TNNC1: variants seen among roughly 807,000 people sequenced by gnomAD.
The protein encoded by TNNC1 is troponin C, slow skeletal and cardiac muscles.
TNNC1 carries 10 observed loss-of-function variants against 19.6 expected under a neutral mutation model. That is an observed-to-expected ratio of 0.51 (90% CI 0.31 to 0.87). The LOEUF (loss-of-function observed/expected upper bound fraction) is 0.87, where lower values mean the gene tolerates loss of function less well. Among genes scored for constraint, TNNC1 ranks in the 40% least tolerant of loss-of-function variants. The pLI is 0.04. For synonymous variants in TNNC1, 85 were observed against 80.1 expected, an observed-to-expected ratio of 1.06 and a Z score of -0.33; for missense variants, 115 against 219.8, an observed-to-expected ratio of 0.52 and a Z score of 3.02.
rs1024621078 is a variant in TNNC1, at chr3:52,453,876, C to T, written c.24+116G>A. 2.9e-5 allele frequency: 37 copies of T among 1,272,546 alleles called. No individual in the cohort carries two copies. The African/African-American group carries it at 4.6e-4, about 16-fold the overall frequency. The allele number at this position is 1,272,546 out of a possible 1,614,324, so 78.8% of individuals were successfully genotyped here. On this transcript the variant is annotated intron_variant, in intron 1 of 5. Coordinates refer to ENST00000232975, the MANE Select transcript of TNNC1 (RefSeq NM_003280.3). ...CCTGTGAGGGCCTGGGTTGAAGGCA[C>T]GTAGGCCTTCTCCTTGGTCCCCACC...
chr3:52,453,897 C>A, intron 1 of TNNC1, 95 bp downstream of exon 1: 1 of 1,470,874 alleles, frequency 6.8e-7, no homozygotes, highest in Non-Finnish European at 9.3e-7. Flanking sequence ...TCCTTGGTCC[C>A]CACCACTTCC....
In TNNC1 at chr3:52,452,483, C is replaced by A; in HGVS notation, c.55G>T (p.Glu19Ter). ...VEQLTEEQKN[E>*]FKAAFDIFVL... Reference sequence around the variant, plus strand: ...CCACATGTGTGATAGGGATTCTCACCATTTTTCTGCTCTTCTGTCAGCTGC... The same window carrying A: ...CCACATGTGTGATAGGGATTCTCACAATTTTTCTGCTCTTCTGTCAGCTGC... The change falls in exon 2 of 6, where the codon GAG (glutamate) becomes TAG (stop). Residue 19 changes from glutamate to a stop codon, truncating the protein, a stop_gained and splice_region_variant. Coordinates refer to ENST00000232975, the MANE Select transcript of TNNC1 (RefSeq NM_003280.3). LOFTEE classifies it high-confidence loss of function. The surrounding 1 kb of genome is among the most constrained non-coding windows in gnomAD (Gnocchi z 5.2). 1 of 1,613,434 alleles carries A rather than the reference C, an allele frequency of 6.2e-7. No homozygotes were observed.
At position 52,451,662 on chromosome 3, in the gene TNNC1, A is replaced by G; in HGVS notation, c.317+82T>C. On this transcript the variant is annotated intron_variant, in intron 4 of 5. Coordinates refer to ENST00000232975, the MANE Select transcript of TNNC1 (RefSeq NM_003280.3). This position sits in a 1 kb window ranked among gnomAD's most constrained non-coding sequence, Gnocchi z 4.8. ...ATCAGGCAGAGGCCACAGGGTCCCT[A>G]GGCCTGGAATCTGAGACTGCCCTCC... 1 of 1,568,172 alleles carries G rather than the reference A, an allele frequency of 6.4e-7. No individual in the cohort carries two copies. The highest frequency in any genetic ancestry group is 8.8e-7 in the Non-Finnish European group (1 of 1,138,528).
At position 52,452,404 on chromosome 3, in the gene TNNC1, C is replaced by A; in HGVS notation, c.55+79G>T. ...AGGGACCAAGCCTCTGGTCTCTGGC[C>A]TGGGGTCCTCTTCTGATAAGGGGTC... On this transcript the variant is annotated intron_variant, in intron 2 of 5. Transcript: ENST00000232975. This position sits in a 1 kb window ranked among gnomAD's most constrained non-coding sequence, Gnocchi z 5.2. 1 of 1,582,600 alleles carries A rather than the reference C, an allele frequency of 6.3e-7. No homozygotes were observed. The highest frequency in any genetic ancestry group is 8.6e-7 in the Non-Finnish European group (1 of 1,158,348).
Position 52,451,394 on chromosome 3 carries a change from C to T in TNNC1, c.451G>A (p.Asp151Asn). ...DKNNDGRIDY[D>N]EFLEFMKGVE is the part of the protein sequence containing the mutation. ...ATCAGCCCACCCACCCGCTTACCATCATAGTCGATGCGGCCGTCGTTGTTC... is the reference window on the plus strand; with the variant it reads ...ATCAGCCCACCCACCCGCTTACCATTATAGTCGATGCGGCCGTCGTTGTTC... The change falls in exon 5 of 6, where the codon GAT (aspartate) becomes AAT (asparagine). Residue 151 changes from aspartate to asparagine, a missense_variant. Transcript: ENST00000232975. The surrounding 1 kb of genome is among the most constrained non-coding windows in gnomAD (Gnocchi z 4.8). The T allele has an allele frequency of 6.2e-7, 1 of 1,614,176 alleles. No homozygotes were observed. The highest frequency in any genetic ancestry group is 8.5e-7 in the Non-Finnish European group (1 of 1,180,022).
chr3:52,452,380 G>C lies in TNNC1; in HGVS notation c.55+103C>G. On this transcript the variant is annotated intron_variant, in intron 2 of 5. Transcript: ENST00000232975. The surrounding 1 kb of genome is among the most constrained non-coding windows in gnomAD (Gnocchi z 5.2). ...AGACCTCTCTGAGGGCAGAGCAAGA[G>C]GGACCAAGCCTCTGGTCTCTGGCCT... The C allele has an allele frequency of 6.3e-7, 1 of 1,587,838 alleles. No homozygotes were observed. The highest frequency in any genetic ancestry group is 8.6e-7 in the Non-Finnish European group (1 of 1,165,782).
At position 52,451,392 on chromosome 3, in the gene TNNC1, A is replaced by G; in HGVS notation, c.453T>C (p.Asp151=). The G allele has an allele frequency of 6.2e-7, 1 of 1,614,140 alleles. No individual in the cohort carries two copies. The highest frequency in any genetic ancestry group is 8.5e-7 in the Non-Finnish European group (1 of 1,180,006). ...DKNNDGRIDY[D]EFLEFMKGVE is the part of the protein sequence containing the mutation. ...AGATCAGCCCACCCACCCGCTTACC[A>G]TCATAGTCGATGCGGCCGTCGTTGT... The change falls in exon 5 of 6, where the codon GAT becomes GAC. Residue 151 remains aspartate, a splice_region_variant and synonymous_variant. Transcript: ENST00000232975. This position sits in a 1 kb window ranked among gnomAD's most constrained non-coding sequence, Gnocchi z 4.8.
chr3:52,452,943 G>A lies in TNNC1; in HGVS notation c.25-430C>T, dbSNP rs1706350184. The A allele has an allele frequency of 3.5e-6, 1 of 282,970 alleles. No homozygotes were observed. The highest frequency in any genetic ancestry group is 2.2e-5 in the African/African-American group (1 of 45,972). 17.5% of individuals were successfully genotyped at this position (282,970 alleles called of 1,614,324 possible). On this transcript the variant is annotated intron_variant, in intron 1 of 5. Transcript: ENST00000232975. The surrounding 1 kb of genome is among the most constrained non-coding windows in gnomAD (Gnocchi z 5.2). ...TTTAACGAGGAACAAAGTTAAACCT[G>A]GTGATTGTTCTGGGGACTTTGGCAT...
chr3:52,451,373 G>A lies in TNNC1; in HGVS notation c.454+18C>T, dbSNP rs750960904. ...GGCAGGGCATGGAGGCAGGAGATCA[G>A]CCCACCCACCCGCTTACCATCATAG... On this transcript the variant is annotated intron_variant, in intron 5 of 5. Coordinates refer to ENST00000232975, the MANE Select transcript of TNNC1 (RefSeq NM_003280.3). This position sits in a 1 kb window ranked among gnomAD's most constrained non-coding sequence, Gnocchi z 4.8. 6.2e-7 allele frequency: 1 copy of A among 1,614,110 alleles called. No individual in the cohort carries two copies. Among genetic ancestry groups the A allele is most frequent in the Non-Finnish European group, 8.5e-7 (1 of 1,180,002 alleles).
At position 52,453,990 on chromosome 3, in the gene TNNC1, A is replaced by G; in HGVS notation, c.24+2T>C. ...CCAGCCCTACCCAGCCCTGTCCCTC[A>G]CCGCAGCCTTGTAGATGTCATCCAT... On this transcript the variant is annotated splice_donor_variant, in intron 1 of 5. Transcript: ENST00000232975. LOFTEE classifies it high-confidence loss of function. 6.3e-7 allele frequency: 1 copy of G among 1,586,552 alleles called. No homozygotes were observed. Among genetic ancestry groups the G allele is most frequent in the Non-Finnish European group, 8.6e-7 (1 of 1,165,134 alleles).
At position 52,451,929 on chromosome 3, in the gene TNNC1, C is replaced by T. The variant is rs1441959491; in HGVS notation, c.203-71G>A. 30 of 1,543,160 alleles carry T rather than the reference C, an allele frequency of 1.9e-5. No homozygotes were observed. The South Asian group carries it at 3.3e-4, about 17-fold the overall frequency. On this transcript the variant is annotated intron_variant, in intron 3 of 5. Transcript: ENST00000232975. This position sits in a 1 kb window ranked among gnomAD's most constrained non-coding sequence, Gnocchi z 4.8. ...GCAGGCAGCACCTTCGACACGAACC[C>T]CCATGTTCTCACCGCATCCTCACAC... is the stretch of plus-strand genomic sequence containing the variant.
Position 52,451,755 on chromosome 3 carries a change from G to A in TNNC1, c.306C>T (p.Arg102=). ...GGTCACGTGCTCACTTGTCAAACAT[G>A]CGGAAGAGGTCAGACAGCTCCTCCT... The part of the protein sequence containing the change: ...KSEEELSDLF[R]MFDKNADGYI... The change falls in exon 4 of 6, where the codon CGC becomes CGT. Residue 102 remains arginine (R), a synonymous_variant. Coordinates refer to ENST00000232975, the MANE Select transcript of TNNC1 (RefSeq NM_003280.3). This position sits in a 1 kb window ranked among gnomAD's most constrained non-coding sequence, Gnocchi z 4.8. The A allele has an allele frequency of 4.3e-6, 7 of 1,614,008 alleles. No individual in the cohort carries two copies. Among genetic ancestry groups the A allele is most frequent in the Non-Finnish European group, 5.9e-6 (7 of 1,179,876 alleles).
rs937828338 is a variant in TNNC1, at chr3:52,452,672, T to G, written c.25-159A>C. On this transcript the variant is annotated intron_variant, in intron 1 of 5. Transcript: ENST00000232975. This position sits in a 1 kb window ranked among gnomAD's most constrained non-coding sequence, Gnocchi z 5.2. ...TCCTCCCTCCCTGCCCCCAAAGCCC[T>G]GACGTGACCCAGCTGGCCTCACTGC... 1 of 814,452 alleles carries G rather than the reference T, an allele frequency of 1.2e-6. No individual in the cohort carries two copies. Among genetic ancestry groups the G allele is most frequent in the Non-Finnish European group, 2.0e-6 (1 of 489,788 alleles). 50.5% of individuals were successfully genotyped at this position (814,452 alleles called of 1,614,324 possible). A position where few individuals can be genotyped will look rare whatever the true frequency, so the allele number is the denominator to read the frequency against.
In TNNC1 at chr3:52,452,279, T is replaced by C. The variant is rs1250537876; in HGVS notation, c.56-27A>G. 6.2e-7 allele frequency: 1 copy of C among 1,605,692 alleles called. No homozygotes were observed. The highest frequency in any genetic ancestry group is 8.5e-7 in the Non-Finnish European group (1 of 1,179,928). ...TGTGTTCAGGGGTTGGGGGGCACAG[T>C]AGTCAGGGCTCAGCAGCCAGGACCA... On this transcript the variant is annotated intron_variant, in intron 2 of 5. Transcript: ENST00000232975. The surrounding 1 kb of genome is among the most constrained non-coding windows in gnomAD (Gnocchi z 5.2).
Position 52,451,343 on chromosome 3 carries a change from G to T in TNNC1, c.455-37C>A. 6.2e-7 allele frequency: 1 copy of T among 1,614,108 alleles called. No homozygotes were observed. Among genetic ancestry groups the T allele is most frequent in the Admixed American group, 1.7e-5 (1 of 60,030 alleles). On this transcript the variant is annotated intron_variant, in intron 5 of 5. Transcript: ENST00000232975. The surrounding 1 kb of genome is among the most constrained non-coding windows in gnomAD (Gnocchi z 4.8). ...GGGGCAGGTGTGGGTTGAGGGTAGG[G>T]GCTGGGCAGGGCATGGAGGCAGGAG...
chr3:52,453,809 C>T (rs560683644), intron 1 of TNNC1, among the ~76,000 whole-genome samples, 183 bp downstream of exon 1: 1 of 152,218 alleles, frequency 6.6e-6, no homozygotes, highest in Non-Finnish European at 1.5e-5. Context: ...AGACCCGGAA[C>T]CCCCTACCCC....
Position 52,451,616 on chromosome 3 carries a change from G to C in TNNC1, c.318-89C>G. 1 of 1,590,904 alleles carries C rather than the reference G, an allele frequency of 6.3e-7. No homozygotes were observed. The highest frequency in any genetic ancestry group is 8.6e-7 in the Non-Finnish European group (1 of 1,159,662). ...AGGAGGCAGAGCAGGGACACTGGGA[G>C]ATGGGGCATCCCTCTCCCCTATCAG... is the stretch of plus-strand genomic sequence containing the variant. On this transcript the variant is annotated intron_variant, in intron 4 of 5. Coordinates refer to ENST00000232975, the MANE Select transcript of TNNC1 (RefSeq NM_003280.3). The surrounding 1 kb of genome is among the most constrained non-coding windows in gnomAD (Gnocchi z 4.8).
In TNNC1 at chr3:52,452,274, C is replaced by T. The variant is rs759210950; in HGVS notation, c.56-22G>A. 5 of 1,606,352 alleles carry T rather than the reference C, an allele frequency of 3.1e-6. No homozygotes were observed. Among genetic ancestry groups the T allele is most frequent in the Non-Finnish European group, 4.2e-6 (5 of 1,179,966 alleles). The stretch of plus-strand genomic sequence containing the variant: ...AACTCTGTGTTCAGGGGTTGGGGGG[C>T]ACAGTAGTCAGGGCTCAGCAGCCAG... On this transcript the variant is annotated intron_variant, in intron 2 of 5. Transcript: ENST00000232975. The surrounding 1 kb of genome is among the most constrained non-coding windows in gnomAD (Gnocchi z 5.2).
rs1464999848 is a variant in TNNC1 at position 52,451,977 on chromosome 3, C to T, written c.203-119G>A. On this transcript the variant is annotated intron_variant, in intron 3 of 5. Coordinates refer to ENST00000232975, the MANE Select transcript of TNNC1 (RefSeq NM_003280.3). The surrounding 1 kb of genome is among the most constrained non-coding windows in gnomAD (Gnocchi z 4.8). ...CACCAAACGCCAGGCTTGTGTAGCC[C>T]TTATGCCCATTTTATAGATGAGGCA... 1.3e-6 allele frequency: 2 copies of T among 1,556,072 alleles called. No individual in the cohort carries two copies. The highest frequency in any genetic ancestry group is 3.3e-5 in the Admixed American group (2 of 59,812).
Sources: allele counts gnomAD v4.1 joint callset (sites outside exome capture counted in the v4.1 genomes callset), GRCh38; gene constraint gnomAD v4.1.1; non-coding constraint Gnocchi (gnomAD v3.1); transcripts MANE v1.5; gene names NCBI Gene and HGNC (gene_info 2026-07-23, HGNC 2026-07-21).